SNTG2: variants seen among roughly 807,000 people sequenced by gnomAD.
SNTG2 encodes syntrophin gamma 2.
Under a neutral mutation model 70.9 loss-of-function variants are expected in SNTG2, and 74 were observed. The ratio of observed to expected loss-of-function variants is 1.04; its 90% CI spans 0.86 to 1.27. The LOEUF is 1.27. Ranked by LOEUF, SNTG2 falls within the 50% of genes most tolerant of loss-of-function variation. The pLI is 0.00. For missense variants in SNTG2, 717 were observed against 690.7 expected (o/e 1.04, Z -0.43); for synonymous variants, 278 against 273.8 (o/e 1.02, Z -0.15).
At chr2:1,126,011 T>C (rs1418081034) in intron 4 of SNTG2, among the ~76,000 whole-genome samples, 1 of 152,208 alleles carries the variant, frequency 6.6e-6, no homozygotes, top group Non-Finnish European at 1.5e-5. Flanking sequence ...TTCAATATGC[T>C]CTCTTCTAGC....
chr2:1,347,008 A>G (rs923086328), intron 16 of SNTG2, among the ~76,000 whole-genome samples: 1 of 150,246 alleles, frequency 6.7e-6, no homozygotes, highest in Non-Finnish European at 1.5e-5. Context: ...CAGATTAATT[A>G]AAAAAAAAAT....
At chr2:1,208,671 G>A (rs777592211) in intron 8 of SNTG2, among the ~76,000 whole-genome samples, 1 of 152,162 alleles carries the variant, frequency 6.6e-6, no homozygotes, top group African/African-American at 2.4e-5. Context: ...CCGATAACAA[G>A]GCAGACCCAT....
At chr2:1,250,741 C>T (rs1422123773) in intron 12 of SNTG2, among the ~76,000 whole-genome samples, 1 of 151,316 alleles carries the variant, frequency 6.6e-6, no homozygotes, top group Non-Finnish European at 1.5e-5. Flanking sequence ...TTGTCTTTCT[C>T]TCTGTCTCTC....
intron 4 of SNTG2, among the ~76,000 whole-genome samples, chr2:1,118,163 C>T (rs991062920): frequency 4.6e-5 from 7 of 152,028 alleles, no homozygotes; most frequent in African/African-American, 1.7e-4. Flanking sequence ...AAGGGCTTCA[C>T]GTCACCCCAG....
chr2:1,185,824 C>G (rs1672210853), intron 8 of SNTG2, among the ~76,000 whole-genome samples: 1 of 152,158 alleles, frequency 6.6e-6, no homozygotes, highest in Non-Finnish European at 1.5e-5. Context: ...AGGCATTTTC[C>G]TTGTTGTTTG....
At chr2:978,975 C>T (rs1258014209) in intron 1 of SNTG2, among the ~76,000 whole-genome samples, 2 of 152,230 alleles carry the variant, frequency 1.3e-5, no homozygotes, top group Non-Finnish European at 2.9e-5. Flanking sequence ...TGGTGTGTTG[C>T]AGGCTCCCTG....
chr2:1,261,886 C>A (rs1256739434), intron 13 of SNTG2, among the ~76,000 whole-genome samples: 1 of 152,108 alleles, frequency 6.6e-6, no homozygotes, highest in Non-Finnish European at 1.5e-5. Flanking sequence ...GGATGGGGCC[C>A]AGACTCACGT....
intron 14 of SNTG2, among the ~76,000 whole-genome samples, chr2:1,301,829 G>A (rs1272631819): frequency 2.6e-5 from 4 of 152,084 alleles, no homozygotes; most frequent in Admixed American, 6.6e-5. Context: ...TATCCAGAAA[G>A]AATAAAGGAA....
intron 14 of SNTG2, among the ~76,000 whole-genome samples, chr2:1,306,248 G>A (rs1245992397): frequency 6.6e-6 from 1 of 152,092 alleles, no homozygotes; most frequent in East Asian, 1.9e-4. Flanking sequence ...ACCGCCGGCT[G>A]TGTGTGTGGC....
rs892011790 is a variant in SNTG2, at chr2:1,367,385, C to T, written c.1531C>T (p.His511Tyr). The T allele has an allele frequency of 2.6e-6, 4 of 1,551,618 alleles. No homozygotes were observed. In the African/African-American group the frequency reaches 5.5e-5, roughly 21 times the overall value. ...CCTGAGGGCTGTCCTGCACTGCATC[C>T]ACTCCTTCATAGCAGCCAAGGTGGC... ...QDLRAVLHCI[H>Y]SFIAAKVASV... Residue 511 changes from histidine (H) to tyrosine (Y), a missense_variant, in exon 17 of 17, where the codon CAC becomes TAC. Coordinates refer to ENST00000308624, the MANE Select transcript of SNTG2 (RefSeq NM_018968.4).
intron 12 of SNTG2, among the ~76,000 whole-genome samples, chr2:1,247,709 G>T (rs1677517385): frequency 6.6e-6 from 1 of 152,174 alleles, no homozygotes; most frequent in South Asian, 2.1e-4. Flanking sequence ...CAGCTGGTTT[G>T]GAGGTGGGAT....
At chr2:1,304,599 G>A (rs151231619) in intron 14 of SNTG2, among the ~76,000 whole-genome samples, 312 of 152,044 alleles carry the variant, frequency 2.1e-3, no homozygotes, top group African/African-American at 7.0e-3. Context: ...GGTGGGGGAC[G>A]CCTGTAATCC....
Position 1,209,076 on chromosome 2 carries a change from C to T in SNTG2, c.592-27C>T, listed in dbSNP as rs185412050. The T allele has an allele frequency of 6.8e-6, 11 of 1,611,520 alleles. No individual in the cohort carries two copies. In the East Asian group the frequency reaches 1.3e-4, roughly 20 times the overall value. ...CATGCAGCCTCCTCTGCCTCTGTGACGCTTCATTCTCCTTTCTTCTGTACA... is the reference window on the plus strand; with the variant it reads ...CATGCAGCCTCCTCTGCCTCTGTGATGCTTCATTCTCCTTTCTTCTGTACA... On this transcript the variant is annotated intron_variant, in intron 8 of 16. Coordinates refer to ENST00000308624, the MANE Select transcript of SNTG2 (RefSeq NM_018968.4).
At chr2:1,044,298 C>T (rs1409903536) in intron 1 of SNTG2, among the ~76,000 whole-genome samples, 1 of 152,060 alleles carries the variant, frequency 6.6e-6, no homozygotes, top group Non-Finnish European at 1.5e-5. Context: ...ATCTAGGAGC[C>T]TTTGGGCAGA....
intron 1 of SNTG2, among the ~76,000 whole-genome samples, chr2:960,975 T>A (rs934164353): frequency 1.3e-5 from 2 of 152,224 alleles, no homozygotes; most frequent in Non-Finnish European, 2.9e-5. Flanking sequence ...ACTCCCCGCC[T>A]GGACGGGCAG....
chr2:1,296,358 TC>T (rs1299351446), intron 14 of SNTG2, among the ~76,000 whole-genome samples: 20 of 152,370 alleles, frequency 1.3e-4, no homozygotes, highest in African/African-American at 4.8e-4. Flanking sequence ...TGACTGTTAT[TC>T]CCATTTTTCA....
rs200559818 is a variant in SNTG2 at position 1,209,218 on chromosome 2, C to A, written c.707C>A (p.Thr236Lys). The change falls in exon 9 of 17, where the codon ACG becomes AAG. Residue 236 changes from threonine to lysine, a missense_variant. Coordinates refer to ENST00000308624, the MANE Select transcript of SNTG2 (RefSeq NM_018968.4). ...MARISRYKAGTEKLRWNAFEV... is the reference protein window; with the variant it reads ...MARISRYKAGKEKLRWNAFEV... ...CGCATCTCAAGGTACAAAGCCGGAA[C>A]GGAAAAATTAAGGTGTGTGACCATT... is the stretch of plus-strand genomic sequence containing the variant. 4 of 1,613,902 alleles carry A rather than the reference C, an allele frequency of 2.5e-6. No homozygotes were observed. Among genetic ancestry groups the A allele is most frequent in the Non-Finnish European group, 2.5e-6 (3 of 1,179,882 alleles).
chr2:1,191,378 C>T (rs1476342636), intron 8 of SNTG2, among the ~76,000 whole-genome samples: 1 of 152,178 alleles, frequency 6.6e-6, no homozygotes, highest in African/African-American at 2.4e-5. Context: ...ATTTTATCAT[C>T]ATTGTGCTTA....
intron 6 of SNTG2, among the ~76,000 whole-genome samples, chr2:1,140,663 C>A (rs985712326): frequency 6.6e-6 from 1 of 152,246 alleles, no homozygotes; most frequent in African/African-American, 2.4e-5. Flanking sequence ...CCTGTAATCA[C>A]CCCAGGATAT....
Sources: gnomAD v4.1 joint callset for allele counts (sites outside exome capture counted in the v4.1 genomes callset) on GRCh38, gnomAD v4.1.1 for gene constraint, MANE v1.5 for transcripts, NCBI Gene and HGNC (gene_info 2026-07-23, HGNC 2026-07-21) for gene names.